Variants in ILDR1 observed in about 807,000 individuals in gnomAD.
The protein encoded by ILDR1 is immunoglobulin-like domain-containing receptor 1.
A neutral mutation model predicts 62.4 loss-of-function variants in ILDR1; 56 were observed. The ratio of observed to expected loss-of-function variants is 0.90; its 90% CI spans 0.72 to 1.12. The LOEUF (loss-of-function observed/expected upper bound fraction) is 1.12. Ranked by LOEUF, ILDR1 falls within the 50% of genes most tolerant of loss-of-function variation. The probability of loss-of-function intolerance (pLI) is 0.00; values close to 1 mark genes in which losing one functional copy is unlikely to be tolerated. For synonymous variants in ILDR1, 284 were observed against 277.8 expected (o/e 1.02, Z -0.22); for missense variants, 736 against 710.6 (o/e 1.04, Z -0.41).
At chr3:122,040,015 A>C in the ILDR1 span, among the ~76,000 whole-genome samples, 4 of 151,998 alleles carry the variant, frequency 2.6e-5, no homozygotes, top group Admixed American at 2.6e-4. Context: ...GATAGCCTTA[A>C]TGGATACTAA....
At chr3:122,008,218 T>C (rs181606568) in intron 1 of ILDR1, among the ~76,000 whole-genome samples, 26 of 151,970 alleles carry the variant, frequency 1.7e-4, no homozygotes, top group African/African-American at 6.3e-4. Flanking sequence ...TAAGAGGAGA[T>C]TTTTCCTTTT....
At chr3:122,007,288 A>C in intron 1 of ILDR1, 127 bp from the exon 2 acceptor site, 1 of 1,550,944 alleles carries the variant, frequency 6.4e-7, no homozygotes, top group Non-Finnish European at 8.7e-7. Flanking sequence ...TCACAGACAG[A>C]GTCTGGGTTC....
chr3:122,030,624 TC>T, the ILDR1 span, among the ~76,000 whole-genome samples: 7 of 120,254 alleles, frequency 5.8e-5, no homozygotes, highest in African/African-American at 1.5e-4. Context: ...CAAGGGTTTT[TC>T]TCTCTCTCTC....
chr3:121,992,008 A>G (rs1320805459), intron 7 of ILDR1, among the ~76,000 whole-genome samples: 1 of 152,260 alleles, frequency 6.6e-6, no homozygotes, highest in African/African-American at 2.4e-5. Context: ...TTTTGGTCAA[A>G]TAGAGAAAAG....
At chr3:122,008,014 A>G (rs2071642235) in intron 1 of ILDR1, among the ~76,000 whole-genome samples, 1 of 152,170 alleles carries the variant, frequency 6.6e-6, no homozygotes, top group African/African-American at 2.4e-5. Context: ...TCTCAAAGTC[A>G]TTGCTCAAAT....
At chr3:122,041,952 C>T in the ILDR1 span, among the ~76,000 whole-genome samples, 1 of 145,940 alleles carries the variant, frequency 6.9e-6, no homozygotes, top group Non-Finnish European at 1.5e-5. Flanking sequence ...TTTTAGGGTA[C>T]ATGTGCACAT....
chr3:122,020,366 T>A (rs547746432), intron 1 of ILDR1, among the ~76,000 whole-genome samples: 4 of 152,362 alleles, frequency 2.6e-5, no homozygotes, highest in Non-Finnish European at 5.9e-5. Flanking sequence ...CACATAAACA[T>A]CATTGACACA....
At chr3:122,016,460 T>C (rs1241514275) in intron 1 of ILDR1, among the ~76,000 whole-genome samples, 1 of 152,232 alleles carries the variant, frequency 6.6e-6, no homozygotes, top group African/African-American at 2.4e-5. Context: ...TCATGCAAGA[T>C]AGACTAAATT....
chr3:122,040,699 C>A, the ILDR1 span, among the ~76,000 whole-genome samples: 3 of 130,056 alleles, frequency 2.3e-5, no homozygotes, highest in Admixed American at 7.9e-5. Flanking sequence ...ACAAATAATG[C>A]TAGAACAACT....
chr3:122,051,082 C>T, the ILDR1 span, among the ~76,000 whole-genome samples: 1 of 152,150 alleles, frequency 6.6e-6, no homozygotes, highest in Non-Finnish European at 1.5e-5. Flanking sequence ...TGGCTTTCGA[C>T]AATTTGATTA....
the ILDR1 span, among the ~76,000 whole-genome samples, chr3:122,034,313 A>T: frequency 6.6e-6 from 1 of 152,216 alleles, no homozygotes; most frequent in Admixed American, 6.5e-5. Context: ...TTCTGATTTC[A>T]CTTCAGAGAT....
chr3:122,058,665 G>A, the ILDR1 span, among the ~76,000 whole-genome samples: 1 of 152,056 alleles, frequency 6.6e-6, no homozygotes, highest in Admixed American at 6.6e-5. Context: ...AGAACAAGGA[G>A]CCCACAGTCC....
Position 121,993,170 on chromosome 3 carries a change from CT to C in ILDR1, c.1578del (p.Ser528ValfsTer52). On this transcript the variant is annotated frameshift_variant, in exon 7 of 8. Coordinates refer to ENST00000344209, the MANE Select transcript of ILDR1 (RefSeq NM_001199799.2). LOFTEE classifies it high-confidence loss of function. ...DITPGKNSRK[K>X]GSVERRSEKD... Reference sequence around the variant, plus strand: ...CTCACCGAGCGCCTCTCCACACTCCCTTTTTTCCTGCTATTCTTGCCTGGAG... The same window carrying C: ...CTCACCGAGCGCCTCTCCACACTCCCTTTTTCCTGCTATTCTTGCCTGGAG... 1.2e-6 allele frequency: 2 copies of C among 1,606,618 alleles called. No homozygotes were observed. Among genetic ancestry groups the C allele is most frequent in the Non-Finnish European group, 1.7e-6 (2 of 1,176,530 alleles).
chr3:122,014,668 T>C (rs919301098), intron 1 of ILDR1, among the ~76,000 whole-genome samples: 2 of 152,240 alleles, frequency 1.3e-5, no homozygotes, highest in African/African-American at 2.4e-5. Flanking sequence ...TCTATTCGAA[T>C]AGATACTTCA....
At chr3:121,994,041 A>G in intron 6 of ILDR1, 71 bp from the exon 7 acceptor site, 1 of 1,529,300 alleles carries the variant, frequency 6.5e-7, no homozygotes, top group South Asian at 1.2e-5. Context: ...AGGACATCAA[A>G]ATGTGACATT....
the ILDR1 span, among the ~76,000 whole-genome samples, chr3:122,034,211 T>A: frequency 6.6e-6 from 1 of 152,216 alleles, no homozygotes; most frequent in African/African-American, 2.4e-5. Context: ...TTTTTAAATA[T>A]ATTGACCACA....
chr3:122,049,092 G>T, the ILDR1 span, among the ~76,000 whole-genome samples: 2 of 152,006 alleles, frequency 1.3e-5, no homozygotes, highest in African/African-American at 4.8e-5. Flanking sequence ...ATTCCATAAA[G>T]TTTGGTATGT....
the ILDR1 span, among the ~76,000 whole-genome samples, chr3:122,029,510 A>AT: frequency 0.2 from 26,509 of 135,492 alleles, 2,724 homozygotes; most frequent in Middle Eastern, 0.27. Flanking sequence ...CGTCTAAAAA[A>AT]AATATATATA....
At chr3:122,046,014 C>T in the ILDR1 span, among the ~76,000 whole-genome samples, 9 of 147,494 alleles carry the variant, frequency 6.1e-5, no homozygotes, top group African/African-American at 1.2e-4. Flanking sequence ...TTCCTAGTCT[C>T]GATGGTCTTT....
Sources: allele counts gnomAD v4.1 joint callset (sites outside exome capture counted in the v4.1 genomes callset), GRCh38; gene constraint gnomAD v4.1.1; transcripts MANE v1.5; gene names NCBI Gene and HGNC (gene_info 2026-07-23, HGNC 2026-07-21).